The following CDYL variants were observed in gnomAD, a reference collection of about 807,000 sequenced individuals.
CDYL encodes chromodomain Y-like protein.
CDYL carries 8 observed loss-of-function variants against 47.3 expected under a neutral mutation model. The observed-to-expected ratio is 0.17, with a 90% CI of 0.10 to 0.31. The LOEUF (loss-of-function observed/expected upper bound fraction) is 0.31, where lower values mean the gene tolerates loss of function less well. CDYL is among the 10% of genes least tolerant of loss of function. The pLI is 1.00. For missense variants in CDYL, 471 were observed against 701.4 expected (o/e 0.67, Z 3.71); for synonymous variants, 266 against 265.0 (o/e 1.00, Z -0.04).
chr6:4,873,090 A>G (rs1761520161), intron 1 of CDYL, among the ~76,000 whole-genome samples: 1 of 152,252 alleles, frequency 6.6e-6, no homozygotes, highest in Admixed American at 6.5e-5. Context: ...CAATACACAT[A>G]TATAGACATG....
At chr6:4,756,709 A>G (rs1053467933) in intron 3 of CDYL, among the ~76,000 whole-genome samples, 2 of 152,272 alleles carry the variant, frequency 1.3e-5, no homozygotes, top group African/African-American at 4.8e-5. Flanking sequence ...ATGAGTTTAC[A>G]TGTAAATCAT....
intron 3 of CDYL, among the ~76,000 whole-genome samples, chr6:4,750,625 C>G (rs1757972833): frequency 6.6e-6 from 1 of 152,108 alleles, no homozygotes; most frequent in African/African-American, 2.4e-5. Context: ...TGTGATCGTG[C>G]CACTGCACAA....
chr6:4,706,702 T>C (rs1386635671), intron 1 of CDYL, among the ~76,000 whole-genome samples: 2 of 152,078 alleles, frequency 1.3e-5, no homozygotes, highest in Non-Finnish European at 2.9e-5. Flanking sequence ...GGAATAAGAA[T>C]CGCTTGAATC....
At chr6:4,949,513 C>T (rs1758632516) in intron 5 of CDYL, among the ~76,000 whole-genome samples, 1 of 152,204 alleles carries the variant, frequency 6.6e-6, no homozygotes, top group East Asian at 1.9e-4. Context: ...CTCGGCATTT[C>T]CCATCTCTCT....
chr6:4,841,517 G>A (rs573552699), intron 1 of CDYL, among the ~76,000 whole-genome samples: 2 of 152,154 alleles, frequency 1.3e-5, no homozygotes, highest in Non-Finnish European at 2.9e-5. Context: ...ACTTTTCAGT[G>A]TTAGGCGTTT....
chr6:4,822,090 T>G (rs1759854330), intron 1 of CDYL, among the ~76,000 whole-genome samples: 1 of 152,152 alleles, frequency 6.6e-6, no homozygotes, highest in East Asian at 1.9e-4. Context: ...CAACTCAGCT[T>G]CCTGAGTAGC....
chr6:4,716,769 G>A (rs989006070), intron 2 of CDYL, among the ~76,000 whole-genome samples: 2 of 151,998 alleles, frequency 1.3e-5, no homozygotes, highest in Non-Finnish European at 1.5e-5. Context: ...TTTATTTACC[G>A]TATACGGTGT....
intron 5 of CDYL, among the ~76,000 whole-genome samples, chr6:4,947,678 C>T (rs1352541919): frequency 3.3e-5 from 5 of 152,160 alleles, no homozygotes; most frequent in African/African-American, 4.8e-5. Context: ...CCACTCCCCT[C>T]GTCACAAGGT....
At chr6:4,810,117 A>G (rs995136279) in intron 1 of CDYL, among the ~76,000 whole-genome samples, 3 of 151,950 alleles carry the variant, frequency 2.0e-5, no homozygotes, top group African/African-American at 7.3e-5. Flanking sequence ...ATCTTGGTGT[A>G]TGTGTGTGTG....
chr6:4,713,436 C>A (rs1036056778), intron 1 of CDYL, among the ~76,000 whole-genome samples: 1 of 152,088 alleles, frequency 6.6e-6, no homozygotes, highest in Non-Finnish European at 1.5e-5. Context: ...CAGGGCTCCC[C>A]GTGAAACTGA....
intron 1 of CDYL, among the ~76,000 whole-genome samples, chr6:4,889,140 G>A (rs1015850707): frequency 3.9e-5 from 6 of 152,230 alleles, no homozygotes; most frequent in African/African-American, 1.4e-4. Flanking sequence ...GCCCCTGGAT[G>A]TCTTATTGCT....
intron 2 of CDYL, among the ~76,000 whole-genome samples, chr6:4,915,231 T>G (rs1001716886): frequency 6.6e-6 from 1 of 152,226 alleles, no homozygotes; most frequent in African/African-American, 2.4e-5. Context: ...ATTTGTTTTG[T>G]TTTGTTTAAT....
intron 1 of CDYL, among the ~76,000 whole-genome samples, chr6:4,708,145 TAC>T (rs66538207): frequency 8.2e-4 from 122 of 149,600 alleles, no homozygotes; most frequent in Middle Eastern, 3.5e-3. Flanking sequence ...TTGTGTTGTG[TAC>T]ACACACACAC....
At chr6:4,783,466 G>C (rs150018367) in intron 1 of CDYL, among the ~76,000 whole-genome samples, 141 of 151,076 alleles carry the variant, frequency 9.3e-4, no homozygotes, top group African/African-American at 3.3e-3. Flanking sequence ...GCCCAGGCTG[G>C]AGTGCAGTGG....
In CDYL at chr6:4,842,544, C is replaced by T. The variant is rs182214728; in HGVS notation, c.25-49169C>T. 3.3e-5 allele frequency among the ~76,000 whole-genome samples: 5 copies of T among 152,136 alleles called. No homozygotes were observed. The East Asian group carries it at 9.6e-4, about 29-fold the overall frequency. Reference sequence around the variant, plus strand: ...TGCCCCTCTTTGTCTTCTTTATCTACTGTTGCTTTAACATTTGTTTTTTCT... The same window carrying T: ...TGCCCCTCTTTGTCTTCTTTATCTATTGTTGCTTTAACATTTGTTTTTTCT... On this transcript the variant is annotated intron_variant, in intron 1 of 6. Transcript: ENST00000397588.
At chr6:4,869,149 G>T (rs962477388) in intron 1 of CDYL, among the ~76,000 whole-genome samples, 6 of 151,558 alleles carry the variant, frequency 4.0e-5, no homozygotes, top group African/African-American at 1.5e-4. Context: ...AGGCTGGAGT[G>T]CAGTGGTGCA....
intron 1 of CDYL, among the ~76,000 whole-genome samples, chr6:4,872,450 C>T (rs1345260140): frequency 4.6e-5 from 7 of 151,512 alleles, no homozygotes; most frequent in Admixed American, 2.6e-4. Context: ...GGTGCAGTCT[C>T]GGCTCACTGC....
intron 1 of CDYL, among the ~76,000 whole-genome samples, chr6:4,830,902 T>C (rs1760123538): frequency 6.6e-6 from 1 of 152,152 alleles, no homozygotes. Context: ...TGATTTGCAG[T>C]TTCATCCATG....
In CDYL at chr6:4,878,557, C is replaced by T. The variant is rs144357219; in HGVS notation, c.25-13156C>T. 4.2e-3 allele frequency among the ~76,000 whole-genome samples: 640 copies of T among 151,828 alleles called. 1 individual carries two copies. The highest frequency in any genetic ancestry group is 0.014 in the African/African-American group (597 of 41,436). On this transcript the variant is annotated intron_variant, in intron 1 of 6. Coordinates refer to ENST00000397588, the MANE Select transcript of CDYL (RefSeq NM_004824.4). ...TTATCAAGGAACATGTCTACTTTTA[C>T]GATGATGAATTTATTGGTATAATGT...
Sources: gnomAD v4.1 joint callset for allele counts (sites outside exome capture counted in the v4.1 genomes callset) on GRCh38, gnomAD v4.1.1 for gene constraint, MANE v1.5 for transcripts, NCBI Gene and HGNC (gene_info 2026-07-23, HGNC 2026-07-21) for gene names.